Variants in KIR2DL1 observed in about 807,000 individuals in gnomAD.
KIR2DL1 encodes killer cell immunoglobulin-like receptor 2DL1.
A neutral mutation model predicts 33.9 loss-of-function variants in KIR2DL1; 38 were observed. The ratio of observed to expected loss-of-function variants is 1.12; its 90% confidence interval spans 0.86 to 1.47. The LOEUF is 1.47. KIR2DL1 is among the 40% of genes most tolerant of loss of function. The pLI is 0.00. For synonymous variants in KIR2DL1, 179 were observed against 165.9 expected (o/e 1.08, Z -0.61); for missense variants, 531 against 433.9 (o/e 1.22, Z -1.99).
chr19:54,773,107 C>T (rs1316723859), intron 2 of KIR2DL1, among the ~76,000 whole-genome samples: 1 of 148,382 alleles, frequency 6.7e-6, no homozygotes, highest in African/African-American at 2.5e-5. Flanking sequence ...AGGCTGAGCC[C>T]AGCGGCAAGG....
chr19:54,780,590 G>T (rs200877066), intron 5 of KIR2DL1, among the ~76,000 whole-genome samples: 1 of 140,064 alleles, frequency 7.1e-6, no homozygotes. Context: ...AAATAAGGGA[G>T]GCCCAGGTGC....
In KIR2DL1 at chr19:54,775,542, T is replaced by C. The variant is rs1461760594; in HGVS notation, c.664+84T>C. 1.0e-5 allele frequency: 15 copies of C among 1,437,164 alleles called. 2 individuals are homozygous for C. The highest frequency in any genetic ancestry group is 7.9e-5 in the Admixed American group (4 of 50,642). 89.0% of individuals were successfully genotyped at this position (1,437,164 alleles called of 1,614,324 possible). ...TTCCTGCTGAGGATGGAGAGAAGCA[T>C]GGACAGATGCAGAGAGAAGACGCAG... On this transcript the variant is annotated intron_variant, in intron 4 of 7. Coordinates refer to ENST00000336077, the MANE Select transcript of KIR2DL1 (RefSeq NM_014218.3).
At chr19:54,772,271 T>A (rs12609942) in intron 2 of KIR2DL1, among the ~76,000 whole-genome samples, 28,883 of 144,728 alleles carry the variant, frequency 0.2, 4,722 homozygotes, top group Non-Finnish European at 0.29. Flanking sequence ...ATAATGGGAG[T>A]CTCCATCAGC....
intron 1 of KIR2DL1, 39 bp from the exon 2 acceptor site, chr19:54,770,810 G>T: frequency 6.3e-7 from 1 of 1,581,692 alleles, no homozygotes; most frequent in African/African-American, 1.4e-5. Flanking sequence ...GCCCTGGTTT[G>T]CCTGCAGATG....
chr19:54,778,804 C>T (rs367794486), intron 5 of KIR2DL1, 142 bp downstream of exon 5: 76 of 1,109,118 alleles, frequency 6.9e-5, no homozygotes, highest in South Asian at 6.2e-4. Context: ...ACTCCTACAG[C>T]GAAAGGGATC....
At chr19:54,783,409 G>A in intron 6 of KIR2DL1, 77 bp from the exon 7 acceptor site, 2 of 1,528,316 alleles carry the variant, frequency 1.3e-6, no homozygotes, top group South Asian at 1.1e-5. Flanking sequence ...GTCTCCCCCT[G>A]TATGTTGGTA....
intron 5 of KIR2DL1, among the ~76,000 whole-genome samples, chr19:54,779,394 C>T (rs1283287246): frequency 2.0e-5 from 3 of 148,752 alleles, no homozygotes; most frequent in Non-Finnish European, 4.5e-5. Flanking sequence ...TCTAAAGGCT[C>T]CCAGTTCCTT....
chr19:54,781,608 G>A (rs1374024690), intron 5 of KIR2DL1, among the ~76,000 whole-genome samples: 1 of 151,332 alleles, frequency 6.6e-6, no homozygotes, highest in Non-Finnish European at 1.5e-5. Context: ...ATTCACAGGA[G>A]GACAGGTGGT....
At chr19:54,782,382 G>T (rs1226155200) in intron 5 of KIR2DL1, among the ~76,000 whole-genome samples, 1 of 152,082 alleles carries the variant, frequency 6.6e-6, no homozygotes. Context: ...GGCTGTACTG[G>T]AAGCATGGCA....
In KIR2DL1 at chr19:54,775,218, G is replaced by T. The variant is rs377172767; in HGVS notation, c.424G>T (p.Gly142Ter). 5.6e-6 allele frequency: 9 copies of T among 1,601,582 alleles called. No homozygotes were observed. The African/African-American group carries it at 6.7e-5, about 12-fold the overall frequency. The part of the protein sequence containing the change: ...SAQLGPTVLA[G>*]ENVTLSCSSR... ...CCAGCTGGGCCCCACGGTTCTGGCA[G>T]GAGAGAATGTGACCTTGTCCTGCAG... Residue 142 changes from glycine (G) to a stop codon, truncating the protein, a stop_gained, in exon 4 of 8, where the codon GGA (glycine) becomes TGA (stop). Coordinates refer to ENST00000336077, the MANE Select transcript of KIR2DL1 (RefSeq NM_014218.3). LOFTEE classifies it high-confidence loss of function.
At chr19:54,778,094 C>A (rs1210547059) in intron 4 of KIR2DL1, among the ~76,000 whole-genome samples, 6 of 146,984 alleles carry the variant, frequency 4.1e-5, no homozygotes, top group Admixed American at 2.8e-4. Context: ...AACATCGTCT[C>A]CACTAAAAAT....
rs1407882431 is a variant in KIR2DL1, at chr19:54,782,270, C to T, written c.716-652C>T. ...GGTGTTCTGAGACGTTCCTCCTGAT[C>T]TCAGGAAGTTGCTGTCTTAGGCCAT... On this transcript the variant is annotated intron_variant, in intron 5 of 7. Coordinates refer to ENST00000336077, the MANE Select transcript of KIR2DL1 (RefSeq NM_014218.3). Among the ~76,000 whole-genome samples, 3 of 151,944 alleles carry T rather than the reference C, an allele frequency of 2.0e-5. No homozygotes were observed. In the East Asian group the frequency reaches 5.8e-4, roughly 29 times the overall value.
In KIR2DL1 at chr19:54,770,884, G is replaced by GTGAGT; in HGVS notation, c.70_70+1insTGAGT (p.Gly24ValfsTer18). On this transcript the variant is annotated frameshift_variant and splice_region_variant. Coordinates refer to ENST00000336077, the MANE Select transcript of KIR2DL1 (RefSeq NM_014218.3). LOFTEE classifies it high-confidence loss of function. Reference sequence around the variant, plus strand: ...GCTGCAGGGGGCCTGGCCACATGAGGGTGAGTCCTTCTCCCAACCTTCGGG... The same window carrying GTGAGT: ...GCTGCAGGGGGCCTGGCCACATGAGGTGAGTGTGAGTCCTTCTCCCAACCTTCGGG... 1 of 1,584,072 alleles carries GTGAGT rather than the reference G, an allele frequency of 6.3e-7. No homozygotes were observed.
At chr19:54,775,032 C>T (rs377749177) in intron 3 of KIR2DL1, 133 bp from the exon 4 acceptor site, 14 of 1,078,902 alleles carry the variant, frequency 1.3e-5, no homozygotes, top group Admixed American at 2.9e-5. Context: ...ACATGAAGAG[C>T]GATGGGGTAG....
chr19:54,775,117 T>A (rs2076165209), intron 3 of KIR2DL1, 48 bp from the exon 4 acceptor site: 2 of 1,528,928 alleles, frequency 1.3e-6, no homozygotes, highest in South Asian at 2.4e-5. Flanking sequence ...TGAAGGGAGC[T>A]GTGACAAAGA....
chr19:54,773,468 C>G lies in KIR2DL1; in HGVS notation c.206C>G (p.Thr69Ser). Residue 69 changes from threonine (T) to serine (S), a missense_variant, in exon 3 of 8, where the codon ACT becomes AGT. Physicochemically the swap from Thr to Ser is moderately conservative, Grantham distance 58 (BLOSUM62 1). Transcript: ENST00000336077. Reference protein sequence around the residue: ...LLHREGMFNDTLRLIGEHHDG... With the variant: ...LLHREGMFNDSLRLIGEHHDG... ...CACAGAGAGGGGATGTTTAACGACA[C>G]TTTGCGCCTCATTGGAGAACACCAT... 1 of 1,587,470 alleles carries G rather than the reference C, an allele frequency of 6.3e-7. No homozygotes were observed. The highest frequency in any genetic ancestry group is 8.6e-7 in the Non-Finnish European group (1 of 1,158,978).
chr19:54,779,962 G>A (rs1476301344), intron 5 of KIR2DL1: 4 of 356,550 alleles, frequency 1.1e-5, no homozygotes, highest in African/African-American at 8.2e-5. Flanking sequence ...GCAGTGTCAC[G>A]ATCTTGGCTC....
chr19:54,778,352 C>T (rs1324569044), intron 4 of KIR2DL1, among the ~76,000 whole-genome samples: 1 of 149,122 alleles, frequency 6.7e-6, no homozygotes, highest in Non-Finnish European at 1.5e-5. Flanking sequence ...TTCTTTATGC[C>T]AATGTCATGC....
intron 3 of KIR2DL1, among the ~76,000 whole-genome samples, chr19:54,774,115 G>A (rs893720194): frequency 5.4e-5 from 8 of 148,764 alleles, no homozygotes; most frequent in East Asian, 3.9e-4. Context: ...GAGAGTAATC[G>A]TCCCAGGATA....
Sources: allele counts gnomAD v4.1 joint callset (sites outside exome capture counted in the v4.1 genomes callset), GRCh38; gene constraint gnomAD v4.1.1; transcripts MANE v1.5; gene names NCBI Gene and HGNC (gene_info 2026-07-23, HGNC 2026-07-21).